The following ITPR2 variants were observed in gnomAD, a reference collection of about 807,000 sequenced individuals.
ITPR2 encodes inositol 1,4,5-trisphosphate receptor type 2.
ITPR2 carries 207 observed loss-of-function variants against 317.1 expected under a neutral mutation model. That is an observed-to-expected ratio of 0.65 (90% CI 0.58 to 0.73). ITPR2 has a LOEUF of 0.73. Among genes scored for constraint, ITPR2 ranks in the 30% least tolerant of loss-of-function variants. The pLI, the probability that ITPR2 is intolerant of heterozygous loss-of-function variation, is 0.00. For missense variants in ITPR2, 2,613 were observed against 3,284.0 expected (o/e 0.80, Z 4.99); for synonymous variants, 1,156 against 1,149.1 (o/e 1.01, Z -0.12).
chr12:26,586,627 T>A (rs1319207744), intron 32 of ITPR2, among the ~76,000 whole-genome samples: 3 of 152,220 alleles, frequency 2.0e-5, no homozygotes, highest in African/African-American at 7.2e-5. Context: ...ATTGCTATTA[T>A]GTGAGTTCAT....
At chr12:26,695,535 A>G (rs1948325106) in intron 10 of ITPR2, 71 bp downstream of exon 10, 1 of 1,319,922 alleles carries the variant, frequency 7.6e-7, no homozygotes, top group Non-Finnish European at 1.1e-6. Flanking sequence ...TTGCTATTAA[A>G]ATTCCAATCT....
chr12:26,362,985 T>C (rs906657903), intron 55 of ITPR2, among the ~76,000 whole-genome samples: 2 of 152,166 alleles, frequency 1.3e-5, no homozygotes. Context: ...TATGGCAGCA[T>C]CACGAGTCAC....
At chr12:26,699,760 C>T (rs1592050407) in intron 9 of ITPR2, among the ~76,000 whole-genome samples, 1 of 152,044 alleles carries the variant, frequency 6.6e-6, no homozygotes, top group Non-Finnish European at 1.5e-5. Context: ...TAAATATATG[C>T]TTTAAATTAT....
chr12:26,461,626 A>AT (rs1491513847), intron 45 of ITPR2, among the ~76,000 whole-genome samples: 12 of 12,578 alleles, frequency 9.5e-4, no homozygotes, highest in African/African-American at 1.4e-3. Context: ...AAAAGCATAT[A>AT]AATATATATA....
intron 1 of ITPR2, among the ~76,000 whole-genome samples, chr12:26,801,921 T>C (rs922878371): frequency 1.3e-5 from 2 of 150,136 alleles, no homozygotes; most frequent in African/African-American, 4.9e-5. Flanking sequence ...TGTAGTTGGA[T>C]TAAAAAATCC....
chr12:26,556,021 T>C (rs910066212), intron 36 of ITPR2, among the ~76,000 whole-genome samples: 5 of 152,246 alleles, frequency 3.3e-5, no homozygotes, highest in Admixed American at 1.3e-4. Context: ...TTATTTTCAG[T>C]AAATTTAGTA....
chr12:26,456,622 A>C (rs368828836), intron 45 of ITPR2, among the ~76,000 whole-genome samples: 2 of 152,146 alleles, frequency 1.3e-5, no homozygotes, highest in Non-Finnish European at 2.9e-5. Context: ...TCTTTCTTGC[A>C]TGAGGTCCAA....
intron 54 of ITPR2, among the ~76,000 whole-genome samples, chr12:26,393,632 T>C (rs1939911948): frequency 6.6e-6 from 1 of 152,268 alleles, no homozygotes; most frequent in East Asian, 1.9e-4. Context: ...CTATTTGTTC[T>C]AATATAAAAA....
chr12:26,398,474 T>C (rs1163434826), intron 54 of ITPR2, among the ~76,000 whole-genome samples: 2 of 152,098 alleles, frequency 1.3e-5, no homozygotes, highest in African/African-American at 2.4e-5. Context: ...ATCCAAAACA[T>C]AGTGATGTCA....
At chr12:26,642,592 G>A (rs546536501) in intron 21 of ITPR2, among the ~76,000 whole-genome samples, 1 of 152,144 alleles carries the variant, frequency 6.6e-6, no homozygotes, top group African/African-American at 2.4e-5. Flanking sequence ...ACATTACCCA[G>A]TCTCAGGCAT....
intron 45 of ITPR2, among the ~76,000 whole-genome samples, chr12:26,454,307 T>C (rs2880784): frequency 0.99 from 150,105 of 152,228 alleles, 74,036 homozygotes; most frequent in Non-Finnish European, 1. Flanking sequence ...CGGGTTCAAG[T>C]GAGTCTCCTG....
intron 9 of ITPR2, among the ~76,000 whole-genome samples, chr12:26,705,006 T>TG (rs1948524179): frequency 6.6e-6 from 1 of 152,178 alleles, no homozygotes; most frequent in Non-Finnish European, 1.5e-5. Context: ...GGAAAGGTCA[T>TG]GGGAAAAAAG....
intron 55 of ITPR2, among the ~76,000 whole-genome samples, chr12:26,367,578 G>A (rs556224556): frequency 2.6e-5 from 4 of 152,136 alleles, no homozygotes; most frequent in African/African-American, 7.2e-5. Context: ...AACCTTTAAC[G>A]CAGATAGGGA....
chr12:26,587,978 T>G (rs910763222), intron 32 of ITPR2, among the ~76,000 whole-genome samples: 1 of 152,206 alleles, frequency 6.6e-6, no homozygotes, highest in African/African-American at 2.4e-5. Context: ...GACTGGATTT[T>G]GGGTAGAAGA....
chr12:26,701,191 C>A (rs11048661), intron 9 of ITPR2, among the ~76,000 whole-genome samples: 86,837 of 151,974 alleles, frequency 0.57, 25,854 homozygotes, highest in Non-Finnish European at 0.67. Flanking sequence ...GAAAGTCATG[C>A]TTGTACCGCA....
intron 35 of ITPR2, among the ~76,000 whole-genome samples, chr12:26,558,514 G>T (rs1388410533): frequency 6.6e-6 from 1 of 152,178 alleles, no homozygotes; most frequent in Non-Finnish European, 1.5e-5. Context: ...CCCAAACTCA[G>T]TGGTTTACTT....
At chr12:26,770,414 C>T (rs1051066521) in intron 2 of ITPR2, among the ~76,000 whole-genome samples, 94 of 152,328 alleles carry the variant, frequency 6.2e-4, no homozygotes, top group African/African-American at 2.1e-3. Flanking sequence ...CCATCATCCC[C>T]TCCTCTCTGC....
chr12:26,464,308 T>C (rs1942114817), intron 45 of ITPR2, among the ~76,000 whole-genome samples: 1 of 152,174 alleles, frequency 6.6e-6, no homozygotes, highest in African/African-American at 2.4e-5. Flanking sequence ...GGCGGTCCCA[T>C]CTGGGGGTGA....
chr12:26,407,397 T>A (rs1591996555), intron 52 of ITPR2, among the ~76,000 whole-genome samples: 1 of 152,002 alleles, frequency 6.6e-6, no homozygotes, highest in Non-Finnish European at 1.5e-5. Context: ...CTTAGTAGCA[T>A]CCCTGTCCTC....
Sources: gnomAD v4.1 joint callset for allele counts (sites outside exome capture counted in the v4.1 genomes callset) on GRCh38, gnomAD v4.1.1 for gene constraint, MANE v1.5 for transcripts, NCBI Gene and HGNC (gene_info 2026-07-23, HGNC 2026-07-21) for gene names.